Variants in FAM13A observed in about 807,000 individuals in gnomAD.
FAM13A encodes the protein family with sequence similarity 13 member A.
In FAM13A, 76 loss-of-function variants were observed where a neutral mutation model predicts 129.6. The ratio of observed to expected loss-of-function variants is 0.59; its 90% CI spans 0.49 to 0.71. The LOEUF is 0.71. Among genes scored for constraint, FAM13A ranks in the 30% least tolerant of loss-of-function variants. The pLI, the probability that FAM13A is intolerant of heterozygous loss-of-function variation, is 0.00. For synonymous variants in FAM13A, 443 were observed against 449.9 expected (o/e 0.98, Z 0.20); for missense variants, 1,108 against 1,249.3 (o/e 0.89, Z 1.70).
chr4:89,018,475 T>C (rs774714162), intron 3 of FAM13A, among the ~76,000 whole-genome samples: 8 of 152,182 alleles, frequency 5.3e-5, no homozygotes, highest in Non-Finnish European at 1.0e-4. Context: ...TTAGGGCAGA[T>C]GTAGCAAATT....
chr4:88,970,479 A>T (rs1055673263), intron 4 of FAM13A, among the ~76,000 whole-genome samples: 4 of 151,202 alleles, frequency 2.6e-5, no homozygotes, highest in African/African-American at 7.3e-5. Context: ...AATCAGATAT[A>T]TATCAGATAT....
intron 1 of FAM13A, among the ~76,000 whole-genome samples, chr4:89,032,231 C>T (rs1022726078): frequency 2.0e-5 from 3 of 150,100 alleles, no homozygotes; most frequent in Non-Finnish European, 4.4e-5. Flanking sequence ...GGCAACAGAG[C>T]GAGACTCCGT....
chr4:88,853,116 A>C (rs1008827285), intron 6 of FAM13A, among the ~76,000 whole-genome samples: 2 of 152,192 alleles, frequency 1.3e-5, no homozygotes, highest in Non-Finnish European at 1.5e-5. Flanking sequence ...TTCTTTGCAG[A>C]GCATTCTTAA....
chr4:88,947,430 A>G (rs1378609876), intron 4 of FAM13A, among the ~76,000 whole-genome samples: 1 of 152,124 alleles, frequency 6.6e-6, no homozygotes, highest in Non-Finnish European at 1.5e-5. Context: ...CAAAAAACAC[A>G]CAGAAATGAA....
At chr4:88,925,343 G>C (rs1476411683) in intron 5 of FAM13A, among the ~76,000 whole-genome samples, 1 of 152,208 alleles carries the variant, frequency 6.6e-6, no homozygotes, top group East Asian at 1.9e-4. Context: ...AAGAAAATGT[G>C]GCACACATAC....
chr4:88,888,919 G>A (rs967051738), intron 6 of FAM13A, among the ~76,000 whole-genome samples: 1 of 143,684 alleles, frequency 7.0e-6, no homozygotes, highest in Non-Finnish European at 1.5e-5. Flanking sequence ...CTGGGCGACA[G>A]AGCGAGACTC....
chr4:89,009,839 G>C (rs1765514342), intron 3 of FAM13A, among the ~76,000 whole-genome samples: 3 of 152,174 alleles, frequency 2.0e-5, no homozygotes, highest in Admixed American at 2.0e-4. Context: ...TGTTGGTCTT[G>C]CAAGGAAGAG....
At chr4:88,838,665 T>C (rs1224214758) in intron 7 of FAM13A, among the ~76,000 whole-genome samples, 1 of 151,664 alleles carries the variant, frequency 6.6e-6, no homozygotes, top group Non-Finnish European at 1.5e-5. Context: ...AGGCGGAGCT[T>C]GCAGTGAGCC....
At position 88,729,069 on chromosome 4, in the gene FAM13A, T is replaced by TTG. The variant is rs1553952131; in HGVS notation, c.2946-411_2946-410insCA. The TTG allele has an allele frequency of 4.2e-4, 62 of 146,066 alleles. 2 individuals carry two copies. The East Asian group carries it at 7.5e-3, about 18-fold the overall frequency. 9.0% of individuals were successfully genotyped at this position (146,066 alleles called of 1,614,324 possible). ...CTGGTCCACAACTTAGTTTTTTTTT[T>TTG]TTTTTTTTTTTCCAAAAACAGATAG... On this transcript the variant is annotated intron_variant, in intron 23 of 23. Transcript: ENST00000264344.
rs199697865 is a variant in FAM13A, at chr4:88,830,996, T to A, written c.1007+20024A>T. ...ATTCATGTGGATGCTTTTTTTTTTTTAAGTGAATTTCTTGTAAGAACTGAG... is the reference window on the plus strand; with the variant it reads ...ATTCATGTGGATGCTTTTTTTTTTTAAAGTGAATTTCTTGTAAGAACTGAG... On this transcript the variant is annotated intron_variant, in intron 7 of 23. Transcript: ENST00000264344. Among the ~76,000 whole-genome samples the A allele has an allele frequency of 5.6e-4, 85 of 151,490 alleles. No individual in the cohort carries two copies. In the East Asian group the frequency reaches 0.01, roughly 18 times the overall value.
chr4:89,035,870 G>A (rs1483617206), intron 1 of FAM13A, among the ~76,000 whole-genome samples: 1 of 152,182 alleles, frequency 6.6e-6, no homozygotes, highest in African/African-American at 2.4e-5. Flanking sequence ...GCAGAACTGT[G>A]AGCCTTTTAA....
intron 8 of FAM13A, among the ~76,000 whole-genome samples, chr4:88,798,123 G>T (rs1233555247): frequency 6.6e-6 from 1 of 152,266 alleles, no homozygotes; most frequent in East Asian, 1.9e-4. Flanking sequence ...ATTTAGATTT[G>T]AAGAGCCAGT....
At position 88,728,416 on chromosome 4, in the gene FAM13A, C is replaced by G. The variant is rs1214947088; in HGVS notation, c.*117G>C. Reference sequence around the variant, plus strand: ...GAGCCGATGCCAAATGGTCTAGAGGCAGAAGGGCTGCATGCTTTGCAGGGC... The same window carrying G: ...GAGCCGATGCCAAATGGTCTAGAGGGAGAAGGGCTGCATGCTTTGCAGGGC... On this transcript the variant is annotated 3_prime_UTR_variant, in exon 24 of 24. Coordinates refer to ENST00000264344, the MANE Select transcript of FAM13A (RefSeq NM_014883.4). 4.7e-6 allele frequency: 6 copies of G among 1,272,640 alleles called. No homozygotes were observed. The highest frequency in any genetic ancestry group is 6.7e-6 in the Non-Finnish European group (6 of 898,560). The allele number at this position is 1,272,640 out of a possible 1,614,324, so 78.8% of individuals were successfully genotyped here.
intron 6 of FAM13A, among the ~76,000 whole-genome samples, chr4:88,856,647 A>G (rs188434632): frequency 4.6e-5 from 7 of 152,356 alleles, no homozygotes; most frequent in Non-Finnish European, 1.0e-4. Context: ...GGCTTAAATG[A>G]TTATGAAAGA....
chr4:88,916,379 T>G (rs1750122649), intron 5 of FAM13A, among the ~76,000 whole-genome samples: 1 of 152,056 alleles, frequency 6.6e-6, no homozygotes. Flanking sequence ...CTAACAACTT[T>G]ATCAAAAAAA....
intron 8 of FAM13A, among the ~76,000 whole-genome samples, chr4:88,798,527 A>G (rs978607476): frequency 6.6e-5 from 10 of 152,156 alleles, no homozygotes; most frequent in African/African-American, 2.4e-4. Context: ...GATTAGTGCA[A>G]TAGACAGCAG....
intron 7 of FAM13A, among the ~76,000 whole-genome samples, chr4:88,820,784 G>A (rs1237728467): frequency 6.6e-6 from 1 of 152,184 alleles, no homozygotes; most frequent in Non-Finnish European, 1.5e-5. Context: ...CAACAGGAAG[G>A]ATTTGATTTG....
At chr4:88,939,456 A>G (rs1444988063) in intron 4 of FAM13A, among the ~76,000 whole-genome samples, 2 of 152,152 alleles carry the variant, frequency 1.3e-5, no homozygotes, top group Non-Finnish European at 2.9e-5. Context: ...ATTCAGGATA[A>G]TCCTTATATC....
At chr4:88,763,318 G>A (rs1488068559) in intron 13 of FAM13A, among the ~76,000 whole-genome samples, 1 of 151,304 alleles carries the variant, frequency 6.6e-6, no homozygotes, top group Non-Finnish European at 1.5e-5. Flanking sequence ...CATACATTTG[G>A]CAAGCGTTCA....
Sources: gnomAD v4.1 joint callset for allele counts (sites outside exome capture counted in the v4.1 genomes callset) on GRCh38, gnomAD v4.1.1 for gene constraint, MANE v1.5 for transcripts, NCBI Gene and HGNC (gene_info 2026-07-23, HGNC 2026-07-21) for gene names.